Variants in GPC5 observed in about 807,000 individuals in gnomAD.
GPC5 encodes the protein glypican 5.
Under a neutral mutation model 53.9 loss-of-function variants are expected in GPC5, and 47 were observed. The observed-to-expected ratio is 0.87, with a 90% CI of 0.69 to 1.11. The LOEUF (loss-of-function observed/expected upper bound fraction) is 1.11, where lower values mean the gene tolerates loss of function less well. Ranked by LOEUF, GPC5 falls within the 50% of genes most tolerant of loss-of-function variation. The pLI, the probability that GPC5 is intolerant of heterozygous loss-of-function variation, is 0.00. For synonymous variants in GPC5, 286 were observed against 263.3 expected (o/e 1.09, Z -0.84); for missense variants, 748 against 713.1 (o/e 1.05, Z -0.56).
chr13:91,971,635 G>A (rs1372754795), intron 6 of GPC5, among the ~76,000 whole-genome samples: 1 of 151,930 alleles, frequency 6.6e-6, no homozygotes, highest in African/African-American at 2.4e-5. Context: ...ACACTGCTTT[G>A]AATGTGTCCC....
At chr13:91,703,827 C>G (rs1164872069) in intron 3 of GPC5, among the ~76,000 whole-genome samples, 1 of 152,060 alleles carries the variant, frequency 6.6e-6, no homozygotes, top group Non-Finnish European at 1.5e-5. Context: ...TTTCCTTAAT[C>G]CTTATTGGTC....
intron 2 of GPC5, among the ~76,000 whole-genome samples, chr13:91,570,431 T>C (rs1227434230): frequency 6.6e-6 from 1 of 152,188 alleles, no homozygotes; most frequent in Non-Finnish European, 1.5e-5. Flanking sequence ...TGAAAAAAGG[T>C]TCAAATTCCC....
At chr13:92,151,004 T>G (rs987636334) in intron 7 of GPC5, among the ~76,000 whole-genome samples, 1 of 152,198 alleles carries the variant, frequency 6.6e-6, no homozygotes, top group Middle Eastern at 3.4e-3. Context: ...TCTAGGTCTA[T>G]TTTTGATGTC....
At chr13:91,794,680 C>T (rs2038020263) in intron 5 of GPC5, among the ~76,000 whole-genome samples, 1 of 152,206 alleles carries the variant, frequency 6.6e-6, no homozygotes, top group South Asian at 2.1e-4. Flanking sequence ...TAAATTAGGT[C>T]TAGGGTCTAA....
At chr13:91,710,839 A>C (rs1220381148) in intron 3 of GPC5, among the ~76,000 whole-genome samples, 2 of 150,920 alleles carry the variant, frequency 1.3e-5, no homozygotes, top group East Asian at 4.0e-4. Flanking sequence ...AGATGTTAAT[A>C]GGTATTCTTT....
chr13:92,375,780 A>T (rs1478354225), intron 7 of GPC5, among the ~76,000 whole-genome samples: 1 of 152,172 alleles, frequency 6.6e-6, no homozygotes, highest in Admixed American at 6.5e-5. Flanking sequence ...CTATTCAAAT[A>T]CTTGAATCAG....
chr13:92,716,060 A>G (rs1033959113), intron 7 of GPC5, among the ~76,000 whole-genome samples: 2 of 152,210 alleles, frequency 1.3e-5, no homozygotes, highest in East Asian at 3.9e-4. Flanking sequence ...TATCCATGAT[A>G]TAAGACTCAG....
At chr13:92,099,323 C>A (rs890187542) in intron 6 of GPC5, among the ~76,000 whole-genome samples, 3 of 152,128 alleles carry the variant, frequency 2.0e-5, no homozygotes, top group African/African-American at 7.2e-5. Flanking sequence ...CTCCTGCTAC[C>A]CACTCCAGCA....
At chr13:92,407,022 A>T (rs1875823891) in intron 7 of GPC5, among the ~76,000 whole-genome samples, 1 of 152,206 alleles carries the variant, frequency 6.6e-6, no homozygotes, top group Non-Finnish European at 1.5e-5. Context: ...AAGCTAAAAA[A>T]TGTGCTCTTG....
At chr13:92,586,151 A>G (rs1883531725) in intron 7 of GPC5, among the ~76,000 whole-genome samples, 1 of 152,192 alleles carries the variant, frequency 6.6e-6, no homozygotes, top group Non-Finnish European at 1.5e-5. Context: ...TCAATATGAG[A>G]AGACAGAATG....
chr13:92,621,849 C>G (rs543175889), intron 7 of GPC5, among the ~76,000 whole-genome samples: 2 of 152,200 alleles, frequency 1.3e-5, no homozygotes, highest in Non-Finnish European at 2.9e-5. Flanking sequence ...TCTGCACTCT[C>G]CAGCTCAAGC....
chr13:92,392,636 A>G (rs1875059348), intron 7 of GPC5, among the ~76,000 whole-genome samples: 1 of 152,168 alleles, frequency 6.6e-6, no homozygotes, highest in Non-Finnish European at 1.5e-5. Flanking sequence ...ATAGGAGAAA[A>G]TATTTGCAAA....
intron 5 of GPC5, among the ~76,000 whole-genome samples, chr13:91,878,307 T>C (rs1174310996): frequency 6.6e-6 from 1 of 152,222 alleles, no homozygotes; most frequent in Non-Finnish European, 1.5e-5. Flanking sequence ...CTCCTTCATA[T>C]TTATGATTGA....
chr13:91,892,512 C>CA (rs1291079593), intron 5 of GPC5, among the ~76,000 whole-genome samples: 1 of 151,562 alleles, frequency 6.6e-6, no homozygotes, highest in Non-Finnish European at 1.5e-5. Context: ...ACTTTATATA[C>CA]AAAATTATGT....
intron 2 of GPC5, among the ~76,000 whole-genome samples, chr13:91,478,906 C>CAT (rs1566435822): frequency 6.7e-5 from 4 of 59,964 alleles, no homozygotes; most frequent in African/African-American, 9.5e-5. Flanking sequence ...TATATATGCA[C>CAT]ATATATATAT....
At chr13:92,363,669 G>C (rs2043586385) in intron 7 of GPC5, among the ~76,000 whole-genome samples, 1 of 151,734 alleles carries the variant, frequency 6.6e-6, no homozygotes, top group Non-Finnish European at 1.5e-5. Flanking sequence ...CTAGACAAAA[G>C]CTATTTGTAC....
intron 7 of GPC5, among the ~76,000 whole-genome samples, chr13:92,248,989 T>G (rs184239311): frequency 6.7e-6 from 1 of 149,824 alleles, no homozygotes; most frequent in Admixed American, 6.8e-5. Flanking sequence ...TGCAAATATT[T>G]TATTGTTGAT....
chr13:92,734,650 C>T (rs749293227), intron 7 of GPC5, among the ~76,000 whole-genome samples: 1 of 151,840 alleles, frequency 6.6e-6, no homozygotes, highest in Non-Finnish European at 1.5e-5. Flanking sequence ...TCCATATAAA[C>T]ACTATTGTGA....
At chr13:91,609,289 A>T (rs2033474450) in intron 2 of GPC5, among the ~76,000 whole-genome samples, 1 of 151,960 alleles carries the variant, frequency 6.6e-6, no homozygotes, top group Non-Finnish European at 1.5e-5. Flanking sequence ...TGTAAACATG[A>T]TCAGTTAGCT....
Sources: allele counts gnomAD v4.1 joint callset (sites outside exome capture counted in the v4.1 genomes callset), GRCh38; gene constraint gnomAD v4.1.1; transcripts MANE v1.5; gene names NCBI Gene and HGNC (gene_info 2026-07-23, HGNC 2026-07-21).